SMARCC1: variants seen among roughly 807,000 people sequenced by gnomAD.
The protein encoded by SMARCC1 is SWI/SNF complex subunit SMARCC1.
SMARCC1 carries 43 observed loss-of-function variants against 147.4 expected under a neutral mutation model. The ratio of observed to expected loss-of-function variants is 0.29; its 90% CI spans 0.23 to 0.38. SMARCC1 has a LOEUF of 0.38. Ranked by LOEUF, SMARCC1 falls within the 10% of genes least tolerant of loss-of-function variation. The pLI is 1.00. For missense variants in SMARCC1, 1,119 were observed against 1,381.1 expected, an observed-to-expected ratio of 0.81 and a Z score of 3.01; for synonymous variants, 495 against 484.4, an observed-to-expected ratio of 1.02 and a Z score of -0.29.
At chr3:47,688,121 G>A (rs550664480) in intron 13 of SMARCC1, among the ~76,000 whole-genome samples, 5 of 151,980 alleles carry the variant, frequency 3.3e-5, no homozygotes, top group East Asian at 1.9e-4. Context: ...TTAGCTGGGC[G>A]TGGTGGTGCA....
At chr3:47,777,207 T>C (rs1364650196) in intron 1 of SMARCC1, among the ~76,000 whole-genome samples, 3 of 151,330 alleles carry the variant, frequency 2.0e-5, no homozygotes, top group Non-Finnish European at 2.9e-5. Flanking sequence ...CTCAGCCTCC[T>C]GGGTAGCTGG....
intron 21 of SMARCC1, among the ~76,000 whole-genome samples, chr3:47,646,264 C>G (rs2033120113): frequency 6.6e-6 from 1 of 152,164 alleles, no homozygotes; most frequent in Admixed American, 6.5e-5. Context: ...TCTCTTATAT[C>G]TCTTGAAAAA....
At chr3:47,719,076 C>T (rs2034198651) in intron 7 of SMARCC1, among the ~76,000 whole-genome samples, 1 of 151,978 alleles carries the variant, frequency 6.6e-6, no homozygotes, top group Non-Finnish European at 1.5e-5. Context: ...CCATGCCCGG[C>T]CAATTTTTTT....
rs748537817 is a variant in SMARCC1, at chr3:47,729,088, A to C, written c.583T>G (p.Phe195Val). 1 of 1,610,228 alleles carries C rather than the reference A, an allele frequency of 6.2e-7. No homozygotes were observed. Among genetic ancestry groups the C allele is most frequent in the South Asian group, 1.1e-5 (1 of 90,708 alleles). ...KDIIKRHQGTFTDEKSKASHH... is the reference protein window; with the variant it reads ...KDIIKRHQGTVTDEKSKASHH... ...GAAGCTTTTGACTTCTCATCCGTAA[A>C]TGTTCCCTGGAAAGCAAATGAACAA... The change falls in exon 6 of 28, where the codon TTT (phenylalanine) becomes GTT (valine). Residue 195 changes from phenylalanine to valine, a missense_variant. Phe to Val is a conservative substitution (Grantham distance 50, BLOSUM62 -1). Coordinates refer to ENST00000254480, the MANE Select transcript of SMARCC1 (RefSeq NM_003074.4).
chr3:47,628,554 G>C (rs1031381217), intron 24 of SMARCC1, among the ~76,000 whole-genome samples: 1 of 152,120 alleles, frequency 6.6e-6, no homozygotes, highest in Non-Finnish European at 1.5e-5. Context: ...AGAAAACATA[G>C]GTGTGGCTTT....
intron 5 of SMARCC1, among the ~76,000 whole-genome samples, chr3:47,734,821 C>A (rs1331073106): frequency 6.6e-6 from 1 of 152,190 alleles, no homozygotes; most frequent in East Asian, 1.9e-4. Context: ...ACAGTGGCGC[C>A]ATCTCAGCTC....
At chr3:47,594,629 C>T (rs1329006758) in intron 26 of SMARCC1, among the ~76,000 whole-genome samples, 2 of 151,302 alleles carry the variant, frequency 1.3e-5, no homozygotes, top group Non-Finnish European at 3.0e-5. Flanking sequence ...AGGAGCAAGC[C>T]AAAAAAAATG....
chr3:47,720,539 C>T (rs2034219661), intron 7 of SMARCC1, 127 bp downstream of exon 7: 4 of 703,740 alleles, frequency 5.7e-6, no homozygotes, highest in South Asian at 1.8e-5. Context: ...TAAAAGACTC[C>T]ATAAGTGAGA....
chr3:47,760,341 T>C (rs1023541220), intron 2 of SMARCC1, among the ~76,000 whole-genome samples: 26 of 151,088 alleles, frequency 1.7e-4, no homozygotes, highest in Non-Finnish European at 1.0e-4. Context: ...TTTTTACAAA[T>C]GTAACATTTG....
At chr3:47,638,659 C>G (rs1401558947) in intron 22 of SMARCC1, 66 bp downstream of exon 22, 1 of 1,224,926 alleles carries the variant, frequency 8.2e-7, no homozygotes. Flanking sequence ...TCAAAAACAC[C>G]CAAAAAACAA....
Position 47,706,448 on chromosome 3 carries a change from G to C in SMARCC1, c.1001C>G (p.Pro334Arg), listed in dbSNP as rs184362616. Residue 334 changes from proline (P) to arginine (R), a missense_variant, in exon 10 of 28, where the codon CCG becomes CGG. This residue lies in a region of SMARCC1 where 542 missense variants were observed against 611.8 expected (regional missense o/e 0.89). Transcript: ENST00000254480. ...KRKHSPSPPP[P>R]TPTESRKKSG... ...CTTCTTCCGTGATTCTGTTGGTGTC[G>C]GAGGGGGAGGCGAAGGCGAATGTTT... 1 of 1,578,950 alleles carries C rather than the reference G, an allele frequency of 6.3e-7. No homozygotes were observed. Among genetic ancestry groups the C allele is most frequent in the Non-Finnish European group, 8.6e-7 (1 of 1,166,652 alleles).
chr3:47,665,033 G>A (rs1329010989), intron 19 of SMARCC1, among the ~76,000 whole-genome samples: 1 of 151,818 alleles, frequency 6.6e-6, no homozygotes. Context: ...TGTTCTCACT[G>A]TATTGCCCAG....
intron 8 of SMARCC1, among the ~76,000 whole-genome samples, chr3:47,712,645 GCAAA>G (rs35107010): frequency 0.26 from 39,454 of 151,880 alleles, 5,665 homozygotes; most frequent in South Asian, 0.42. Context: ...GAAAACTTGG[GCAAA>G]CAGTTTTAGT....
intron 15 of SMARCC1, among the ~76,000 whole-genome samples, chr3:47,679,444 C>G (rs1223164542): frequency 6.6e-6 from 1 of 152,160 alleles, no homozygotes; most frequent in East Asian, 1.9e-4. Context: ...AAGCTCCATT[C>G]ACATGCAGCT....
chr3:47,596,105 T>C (rs1438762786), intron 26 of SMARCC1, among the ~76,000 whole-genome samples: 1 of 151,480 alleles, frequency 6.6e-6, no homozygotes, highest in African/African-American at 2.4e-5. Context: ...TCTGTCATGA[T>C]TCAAAGGAAA....
At chr3:47,620,043 G>A (rs2032704546) in intron 25 of SMARCC1, among the ~76,000 whole-genome samples, 1 of 152,166 alleles carries the variant, frequency 6.6e-6, no homozygotes, top group African/African-American at 2.4e-5. Context: ...TCTACCATTT[G>A]GAGTCAGAAT....
At chr3:47,609,214 C>T (rs1347852298) in intron 26 of SMARCC1, among the ~76,000 whole-genome samples, 4 of 151,992 alleles carry the variant, frequency 2.6e-5, no homozygotes, top group East Asian at 1.9e-4. Context: ...ATAAGACTCC[C>T]GGCCAGGCGC....
chr3:47,713,997 G>A (rs1407796927), intron 8 of SMARCC1, among the ~76,000 whole-genome samples: 1 of 152,162 alleles, frequency 6.6e-6, no homozygotes, highest in Non-Finnish European at 1.5e-5. Flanking sequence ...GACAGGAAAG[G>A]GAAACCAACA....
At chr3:47,709,977 C>T (rs910755579) in intron 9 of SMARCC1, among the ~76,000 whole-genome samples, 2 of 152,094 alleles carry the variant, frequency 1.3e-5, no homozygotes, top group African/African-American at 2.4e-5. Flanking sequence ...ATGTTTAAGG[C>T]CTATACTTTA....
Sources: gnomAD v4.1 joint callset for allele counts (sites outside exome capture counted in the v4.1 genomes callset) on GRCh38, gnomAD v4.1.1 for gene constraint, gnomAD v4.1.1 regional missense constraint, MANE v1.5 for transcripts, NCBI Gene and HGNC (gene_info 2026-07-23, HGNC 2026-07-21) for gene names.